The following SDK1 variants were observed in gnomAD, a reference collection of about 807,000 sequenced individuals.
SDK1 encodes sidekick cell adhesion molecule 1.
Under a neutral mutation model 245.5 loss-of-function variants are expected in SDK1, and 157 were observed. That is an observed-to-expected ratio of 0.64 (90% CI 0.56 to 0.73). SDK1 has a LOEUF of 0.73. Ranked by LOEUF, SDK1 falls within the 30% of genes least tolerant of loss-of-function variation. The probability of loss-of-function intolerance (pLI) is 0.00; values close to 1 mark genes in which losing one functional copy is unlikely to be tolerated. For synonymous variants in SDK1, 1,647 were observed against 1,278.5 expected, an observed-to-expected ratio of 1.29 and a Z score of -6.15; for missense variants, 3,583 against 3,002.3, an observed-to-expected ratio of 1.19 and a Z score of -4.52.
intron 1 of SDK1, among the ~76,000 whole-genome samples, chr7:3,372,915 A>G (rs1183757608): frequency 6.6e-6 from 1 of 152,218 alleles, no homozygotes; most frequent in Non-Finnish European, 1.5e-5. Context: ...ATTTTAAAAT[A>G]CTTTATACAA....
At chr7:4,026,000 G>A (rs1261024179) in intron 17 of SDK1, among the ~76,000 whole-genome samples, 3 of 152,194 alleles carry the variant, frequency 2.0e-5, no homozygotes, top group African/African-American at 7.2e-5. Flanking sequence ...TGCTGAATCC[G>A]GGACTGCAGC....
intron 1 of SDK1, among the ~76,000 whole-genome samples, chr7:3,353,102 G>A (rs1268349121): frequency 6.6e-6 from 1 of 152,058 alleles, no homozygotes; most frequent in Non-Finnish European, 1.5e-5. Flanking sequence ...TTTGCACCCT[G>A]CAGCAATTCT....
chr7:4,146,680 G>A (rs372878335), intron 29 of SDK1, among the ~76,000 whole-genome samples: 1 of 152,246 alleles, frequency 6.6e-6, no homozygotes. Context: ...GTCCTCCGTA[G>A]AGCAGGTGCT....
intron 4 of SDK1, among the ~76,000 whole-genome samples, chr7:3,808,270 G>A (rs1779299962): frequency 6.6e-6 from 1 of 152,182 alleles, no homozygotes; most frequent in Non-Finnish European, 1.5e-5. Context: ...CGGGGAGCAT[G>A]GTGCCCCTTC....
intron 5 of SDK1, among the ~76,000 whole-genome samples, chr7:3,877,077 TA>T (rs1490496577): frequency 1.3e-5 from 2 of 152,218 alleles, no homozygotes; most frequent in Non-Finnish European, 2.9e-5. Flanking sequence ...AGGTCACAGT[TA>T]AAAGCTCTAG....
At chr7:3,428,266 T>G (rs1055744285) in intron 1 of SDK1, among the ~76,000 whole-genome samples, 1 of 152,190 alleles carries the variant, frequency 6.6e-6, no homozygotes, top group Non-Finnish European at 1.5e-5. Flanking sequence ...TTTATGTAAT[T>G]ATTATTGATT....
At chr7:3,738,070 C>T (rs537020249) in intron 4 of SDK1, among the ~76,000 whole-genome samples, 29 of 152,308 alleles carry the variant, frequency 1.9e-4, no homozygotes, top group African/African-American at 5.1e-4. Context: ...CCTCTTCTGC[C>T]GTCTTTCTTT....
intron 1 of SDK1, among the ~76,000 whole-genome samples, chr7:3,368,608 A>C (rs1451646409): frequency 6.6e-6 from 1 of 152,192 alleles, no homozygotes; most frequent in Non-Finnish European, 1.5e-5. Context: ...GACCCACTGG[A>C]AACATTGTAG....
Position 3,789,439 on chromosome 7 carries a change from T to C in SDK1, c.714-32011T>C, listed in dbSNP as rs10277615. On this transcript the variant is annotated intron_variant, in intron 4 of 44. Transcript: ENST00000404826. The stretch of plus-strand genomic sequence containing the variant: ...CTGGGATTACAGGCGTGAGCCACTC[T>C]GCCCAGCCTGTAACTGCTTTTCTAC... 5.6e-3 allele frequency among the ~76,000 whole-genome samples: 847 copies of C among 152,312 alleles called. 8 individuals are homozygous for C. The highest frequency in any genetic ancestry group is 0.02 in the African/African-American group (813 of 41,580).
At chr7:3,442,983 A>G (rs1780239852) in intron 1 of SDK1, among the ~76,000 whole-genome samples, 1 of 151,600 alleles carries the variant, frequency 6.6e-6, no homozygotes, top group Admixed American at 6.6e-5. Context: ...TGTAGATTAG[A>G]TGAGGTGTGG....
chr7:3,500,814 G>GT (rs532445458), intron 1 of SDK1, among the ~76,000 whole-genome samples: 72 of 150,018 alleles, frequency 4.8e-4, no homozygotes, highest in Admixed American at 6.6e-4. Flanking sequence ...TGTTTTTCAT[G>GT]TTTTTTTTCA....
chr7:3,594,893 T>A (rs1781002864), intron 1 of SDK1, among the ~76,000 whole-genome samples: 1 of 152,172 alleles, frequency 6.6e-6, no homozygotes, highest in African/African-American at 2.4e-5. Flanking sequence ...AAAGAAAATG[T>A]TATTTCTAGG....
At chr7:3,393,464 T>C (rs888859421) in intron 1 of SDK1, among the ~76,000 whole-genome samples, 7 of 152,202 alleles carry the variant, frequency 4.6e-5, no homozygotes, top group Non-Finnish European at 1.0e-4. Context: ...AATTTTCCTT[T>C]CCTATAGCTA....
intron 44 of SDK1, among the ~76,000 whole-genome samples, chr7:4,259,396 C>A (rs1367807698): frequency 1.3e-5 from 2 of 152,200 alleles, no homozygotes; most frequent in Non-Finnish European, 2.9e-5. Context: ...GATCGTACCA[C>A]TGCACTCTAG....
intron 1 of SDK1, among the ~76,000 whole-genome samples, chr7:3,445,736 C>G (rs960446138): frequency 6.6e-6 from 1 of 152,118 alleles, no homozygotes; most frequent in African/African-American, 2.4e-5. Flanking sequence ...TTCTTCTACA[C>G]ACATTAAGAA....
chr7:3,395,989 G>T (rs1304506459), intron 1 of SDK1, among the ~76,000 whole-genome samples: 1 of 151,154 alleles, frequency 6.6e-6, no homozygotes, highest in East Asian at 1.9e-4. Context: ...TCTTCATTCT[G>T]TTTTCCCTTG....
intron 44 of SDK1, among the ~76,000 whole-genome samples, chr7:4,248,594 TTAAA>T (rs1166184704): frequency 4.0e-5 from 6 of 150,628 alleles, no homozygotes; most frequent in Non-Finnish European, 8.9e-5. Flanking sequence ...ACATGCATAC[TTAAA>T]TACACACAAA....
At chr7:4,066,293 C>T (rs1402607093) in intron 19 of SDK1, among the ~76,000 whole-genome samples, 6 of 152,086 alleles carry the variant, frequency 3.9e-5, no homozygotes, top group Non-Finnish European at 8.8e-5. Context: ...CAATGGCAGG[C>T]GGGGAAGCAG....
chr7:3,647,826 A>G (rs997069757), intron 4 of SDK1, among the ~76,000 whole-genome samples: 1 of 152,196 alleles, frequency 6.6e-6, no homozygotes, highest in Admixed American at 6.5e-5. Context: ...GGCTGGATGA[A>G]TGAATGTGAA....
Sources: allele counts gnomAD v4.1 joint callset (sites outside exome capture counted in the v4.1 genomes callset), GRCh38; gene constraint gnomAD v4.1.1; transcripts MANE v1.5; gene names NCBI Gene and HGNC (gene_info 2026-07-23, HGNC 2026-07-21).